NRG3: variants seen among roughly 807,000 people sequenced by gnomAD.
The protein encoded by NRG3 is pro-neuregulin-3, membrane-bound isoform.
NRG3 carries 31 observed loss-of-function variants against 66.9 expected under a neutral mutation model. The observed-to-expected ratio is 0.46, with a 90% CI of 0.35 to 0.63. The LOEUF is 0.63. NRG3 is among the 20% of genes least tolerant of loss of function. NRG3 has a pLI of 0.00. For missense variants in NRG3, 910 were observed against 878.9 expected (o/e 1.04, Z -0.45); for synonymous variants, 393 against 359.4 (o/e 1.09, Z -1.06).
At chr10:82,421,410 T>G (rs2089060631) in intron 2 of NRG3, among the ~76,000 whole-genome samples, 1 of 151,990 alleles carries the variant, frequency 6.6e-6, no homozygotes, top group African/African-American at 2.4e-5. Flanking sequence ...TGGAAGGGAA[T>G]AGAGAAAAAG....
chr10:82,937,821 T>G (rs1848230646), intron 4 of NRG3, among the ~76,000 whole-genome samples: 1 of 152,150 alleles, frequency 6.6e-6, no homozygotes, highest in South Asian at 2.1e-4. Flanking sequence ...AAATTCACTA[T>G]GTACAGAGAA....
intron 2 of NRG3, among the ~76,000 whole-genome samples, chr10:82,716,696 A>G (rs1435974642): frequency 2.6e-5 from 4 of 152,246 alleles, no homozygotes; most frequent in Non-Finnish European, 4.4e-5. Context: ...AAGAAATCAC[A>G]GGCCCTAGAG....
At chr10:82,096,457 A>G (rs1439180911) in intron 1 of NRG3, among the ~76,000 whole-genome samples, 1 of 152,078 alleles carries the variant, frequency 6.6e-6, no homozygotes, top group East Asian at 1.9e-4. Context: ...GCCTGGTGAC[A>G]GAGCGAGAGT....
intron 1 of NRG3, among the ~76,000 whole-genome samples, chr10:82,017,607 C>A (rs1255401035): frequency 6.6e-6 from 1 of 152,026 alleles, no homozygotes; most frequent in African/African-American, 2.4e-5. Flanking sequence ...CCTGTTGTTT[C>A]CTGACTTTTT....
chr10:82,679,672 G>T (rs1202731345), intron 2 of NRG3, among the ~76,000 whole-genome samples: 1 of 152,138 alleles, frequency 6.6e-6, no homozygotes, highest in East Asian at 1.9e-4. Context: ...ACAGGGCAGT[G>T]TACAAATACC....
intron 2 of NRG3, among the ~76,000 whole-genome samples, chr10:82,610,682 G>T (rs1221917024): frequency 6.6e-6 from 1 of 152,062 alleles, no homozygotes; most frequent in Non-Finnish European, 1.5e-5. Flanking sequence ...TTTAGTGTTG[G>T]TCATACAAAG....
intron 1 of NRG3, among the ~76,000 whole-genome samples, chr10:82,117,873 C>T (rs1488233511): frequency 6.6e-6 from 1 of 152,134 alleles, no homozygotes; most frequent in Non-Finnish European, 1.5e-5. Context: ...TTTTCATTGC[C>T]ATTGTGAAGC....
intron 1 of NRG3, among the ~76,000 whole-genome samples, chr10:82,157,097 T>G (rs189069075): frequency 6.6e-6 from 1 of 151,682 alleles, no homozygotes; most frequent in African/African-American, 2.4e-5. Flanking sequence ...TTTGGGTATC[T>G]TTGAATGTAC....
At chr10:82,467,793 A>G (rs901115203) in intron 2 of NRG3, among the ~76,000 whole-genome samples, 5 of 152,218 alleles carry the variant, frequency 3.3e-5, no homozygotes, top group Admixed American at 6.5e-5. Flanking sequence ...AAGCTCAGTC[A>G]TAAGTATATT....
chr10:82,917,289 G>A (rs781035875), intron 4 of NRG3, among the ~76,000 whole-genome samples: 6 of 152,166 alleles, frequency 3.9e-5, no homozygotes, highest in African/African-American at 9.7e-5. Flanking sequence ...CTCAGGTTAT[G>A]GTCTTAGTAA....
chr10:82,256,870 CTCTA>C (rs1055280256), intron 1 of NRG3, among the ~76,000 whole-genome samples: 1 of 152,162 alleles, frequency 6.6e-6, no homozygotes, highest in Non-Finnish European at 1.5e-5. Context: ...AACATTATGT[CTCTA>C]TCTATGATGA....
chr10:82,199,901 T>TGC (rs1355120264), intron 1 of NRG3, among the ~76,000 whole-genome samples: 1 of 151,534 alleles, frequency 6.6e-6, no homozygotes, highest in East Asian at 1.9e-4. Context: ...TGTGTGTGTG[T>TGC]GTGTGTGTGT....
intron 3 of NRG3, among the ~76,000 whole-genome samples, chr10:82,768,333 A>G (rs1035875542): frequency 1.3e-5 from 2 of 152,110 alleles, no homozygotes; most frequent in South Asian, 4.1e-4. Context: ...CCAGTTCAAT[A>G]GTTACCACTC....
At chr10:82,934,294 A>G (rs900752434) in intron 4 of NRG3, among the ~76,000 whole-genome samples, 9 of 152,200 alleles carry the variant, frequency 5.9e-5, no homozygotes. Context: ...AATACTCTAC[A>G]TACTTTTTAT....
At chr10:82,094,760 T>A (rs2066231264) in intron 1 of NRG3, among the ~76,000 whole-genome samples, 1 of 152,124 alleles carries the variant, frequency 6.6e-6, no homozygotes, top group Admixed American at 6.6e-5. Context: ...GGACTAGAGG[T>A]CATTATCTTA....
chr10:82,274,992 G>A (rs1032017722), intron 1 of NRG3, among the ~76,000 whole-genome samples: 50 of 151,968 alleles, frequency 3.3e-4, no homozygotes, highest in Admixed American at 7.9e-4. Flanking sequence ...TGGACTGCTA[G>A]CCTTTTCCTT....
intron 1 of NRG3, among the ~76,000 whole-genome samples, chr10:82,065,758 G>A (rs962592149): frequency 1.3e-5 from 2 of 152,096 alleles, no homozygotes; most frequent in African/African-American, 4.8e-5. Context: ...TAGGAATTTC[G>A]CTGAACAGAT....
At chr10:81,972,643 A>G (rs2059973186) in intron 1 of NRG3, among the ~76,000 whole-genome samples, 1 of 152,172 alleles carries the variant, frequency 6.6e-6, no homozygotes, top group East Asian at 1.9e-4. Context: ...TCATGATGAA[A>G]CACAGAGAAA....
intron 1 of NRG3, among the ~76,000 whole-genome samples, chr10:81,878,405 G>A (rs1295330846): frequency 1.3e-5 from 2 of 152,150 alleles, no homozygotes; most frequent in Non-Finnish European, 2.9e-5. Context: ...AGGAAAAGTG[G>A]ATTATGTAGT....
Sources: gnomAD v4.1 joint callset for allele counts (sites outside exome capture counted in the v4.1 genomes callset) on GRCh38, gnomAD v4.1.1 for gene constraint, MANE v1.5 for transcripts, NCBI Gene and HGNC (gene_info 2026-07-23, HGNC 2026-07-21) for gene names.